USP36: variants seen among roughly 807,000 people sequenced by gnomAD.
USP36 encodes the protein ubiquitin carboxyl-terminal hydrolase 36.
Under a neutral mutation model 111.5 loss-of-function variants are expected in USP36, and 59 were observed. That is an observed-to-expected ratio of 0.53 (90% CI 0.43 to 0.66). USP36 has a LOEUF of 0.66. Among genes scored for constraint, USP36 ranks in the 30% least tolerant of loss-of-function variants. The pLI is 0.00. For synonymous variants in USP36, 628 were observed against 581.0 expected, an observed-to-expected ratio of 1.08 and a Z score of -1.16; for missense variants, 1,488 against 1,468.0, an observed-to-expected ratio of 1.01 and a Z score of -0.22.
intron 13 of USP36, among the ~76,000 whole-genome samples, chr17:78,808,504 GC>G (rs2093971453): frequency 6.6e-6 from 1 of 152,136 alleles, no homozygotes; most frequent in South Asian, 2.1e-4. Flanking sequence ...TCCCACCCTG[GC>G]CTCTCAAAGT....
intron 5 of USP36, among the ~76,000 whole-genome samples, chr17:78,827,590 G>A (rs1166913546): frequency 2.0e-5 from 3 of 152,274 alleles, no homozygotes; most frequent in Admixed American, 6.5e-5. Context: ...AGACAAGGAA[G>A]AACACCAAGC....
Position 78,806,212 on chromosome 17 carries a change from G to T in USP36, c.2160C>A (p.His720Gln). 7 of 1,613,860 alleles carry T rather than the reference G, an allele frequency of 4.3e-6. No homozygotes were observed. Among genetic ancestry groups the T allele is most frequent in the Non-Finnish European group, 5.9e-6 (7 of 1,179,996 alleles). Residue 720 changes from histidine (H) to glutamine (Q), a missense_variant, in exon 15 of 21, where the codon CAC (histidine) becomes CAA (glutamine). By Grantham distance (24) the His-to-Gln change is conservative. Transcript: ENST00000449938. ...PPPSPSSDLT[H>Q]PMKTSHPVVA... ...CGACGGGGTGAGAGGTTTTCATGGGGTGGGTGAGGTCGGAGGATGGTGAGG... is the reference window on the plus strand; with the variant it reads ...CGACGGGGTGAGAGGTTTTCATGGGTTGGGTGAGGTCGGAGGATGGTGAGG...
At position 78,812,607 on chromosome 17, in the gene USP36, G is replaced by A. The variant is rs554946075; in HGVS notation, c.1407+253C>T. Among the ~76,000 whole-genome samples, 34 of 151,052 alleles carry A rather than the reference G, an allele frequency of 2.3e-4. No homozygotes were observed. In the South Asian group the frequency reaches 6.9e-3, roughly 31 times the overall value. On this transcript the variant is annotated intron_variant, in intron 13 of 20. Transcript: ENST00000449938. Reference sequence around the variant, plus strand: ...AGGGAGGCTGAGGCAGGAGAATGGCGGGAACCCGGGAGGCAGAGCTTGCAG... The same window carrying A: ...AGGGAGGCTGAGGCAGGAGAATGGCAGGAACCCGGGAGGCAGAGCTTGCAG...
At chr17:78,825,391 C>G (rs1212676739) in intron 6 of USP36, among the ~76,000 whole-genome samples, 1 of 152,194 alleles carries the variant, frequency 6.6e-6, no homozygotes, top group Non-Finnish European at 1.5e-5. Flanking sequence ...TTATGAGAAG[C>G]TCACCATTGG....
At chr17:78,831,962 A>G (rs1028352871) in intron 4 of USP36, among the ~76,000 whole-genome samples, 39 of 151,072 alleles carry the variant, frequency 2.6e-4, no homozygotes, top group Non-Finnish European at 4.4e-4. Flanking sequence ...AAAAAAAAAA[A>G]GCTTCTTTCA....
chr17:78,810,836 C>T (rs990063148), intron 13 of USP36, among the ~76,000 whole-genome samples: 2 of 152,000 alleles, frequency 1.3e-5, no homozygotes, highest in African/African-American at 4.8e-5. Context: ...TCATCCAGGC[C>T]GGGCACGGTG....
chr17:78,834,618 T>C (rs951298697), intron 4 of USP36, among the ~76,000 whole-genome samples: 4 of 152,072 alleles, frequency 2.6e-5, no homozygotes, highest in African/African-American at 9.7e-5. Context: ...AATTTTTATA[T>C]TTTTAGTAGA....
intron 7 of USP36, chr17:78,821,314 A>G (rs1013602615): frequency 1.9e-5 from 7 of 364,284 alleles, no homozygotes; most frequent in Admixed American, 1.3e-4. Flanking sequence ...CACGTGCGGT[A>G]CTCTCCTGCT....
At position 78,807,613 on chromosome 17, in the gene USP36, C is replaced by G. The variant is rs2093943293; in HGVS notation, c.1431G>C (p.Lys477Asn). 1 of 1,537,574 alleles carries G rather than the reference C, an allele frequency of 6.5e-7. No individual in the cohort carries two copies. Among genetic ancestry groups the G allele is most frequent in the East Asian group, 2.3e-5 (1 of 44,166 alleles). The change falls in exon 14 of 21, where the codon AAG becomes AAC. Residue 477 changes from lysine (K) to asparagine (N), a missense_variant. Around this residue, in one of 3 missense-constraint regions of USP36, gnomAD observed 1,073 missense variants for 994.1 expected, o/e 1.08. Transcript: ENST00000449938. ...CAATCTCTTCAGTGGTGTGCGGCTTCTTCATCGTCCCAGAGTCTTGTCGCT... is the reference window on the plus strand; with the variant it reads ...CAATCTCTTCAGTGGTGTGCGGCTTGTTCATCGTCCCAGAGTCTTGTCGCT... ...TGKRQDSGTM[K>N]KPHTTEEIGV...
chr17:78,836,419 G>A (rs2068675527), intron 2 of USP36, 47 bp from the exon 3 acceptor site: 5 of 1,585,522 alleles, frequency 3.2e-6, no homozygotes, highest in Non-Finnish European at 8.6e-7. Flanking sequence ...CGAAATCCCG[G>A]GACAAAAACA....
intron 13 of USP36, among the ~76,000 whole-genome samples, chr17:78,808,424 C>T (rs1169375118): frequency 1.3e-5 from 2 of 152,094 alleles, no homozygotes; most frequent in Non-Finnish European, 2.9e-5. Context: ...ATAATTATTA[C>T]TATTTTGTAG....
chr17:78,814,286 GACTTGAATACAACCACAAAACATCAC>G, intron 11 of USP36, 100 bp downstream of exon 11: 1 of 1,307,196 alleles, frequency 7.6e-7, no homozygotes. Context: ...CAACAACGAG[GACTTGAATACAACCACAAAACATCAC>G]ACTTTTCACA....
chr17:78,809,410 G>C (rs1400353584), intron 13 of USP36, among the ~76,000 whole-genome samples: 1 of 152,124 alleles, frequency 6.6e-6, no homozygotes, highest in Non-Finnish European at 1.5e-5. Context: ...CGTTTCACTG[G>C]CTGAACATTT....
At position 78,840,779 on chromosome 17, in the gene USP36, C is replaced by A. The variant is rs2277701; in HGVS notation, c.-217G>T. On this transcript the variant is annotated 5_prime_UTR_variant, in exon 1 of 21. Coordinates refer to ENST00000449938, the MANE Select transcript of USP36 (RefSeq NM_001385174.1). ...GCGCCACAAGCCTACGCAGCCCTGG[C>A]GACTCCTTCGGCCCGCGGCCCAGCA... is the stretch of plus-strand genomic sequence containing the variant. 819 of 152,498 alleles carry A rather than the reference C, an allele frequency of 5.4e-3. 24 individuals are homozygous for A. The East Asian group carries it at 0.062, about 12-fold the overall frequency. 9.4% of individuals were successfully genotyped at this position (152,498 alleles called of 1,614,324 possible).
In USP36 at chr17:78,840,721, C is replaced by G. The variant is rs1471367784; in HGVS notation, c.-174+15G>C. ...CCCCAGGCCTGCGCACCGCCCCGAC[C>G]CGACCCCAGCCTACCCCGGCCTCTC... is the stretch of plus-strand genomic sequence containing the variant. On this transcript the variant is annotated intron_variant, in intron 1 of 20. Transcript: ENST00000449938. 6.6e-6 allele frequency: 1 copy of G among 152,588 alleles called. No homozygotes were observed. The highest frequency in any genetic ancestry group is 1.5e-5 in the Non-Finnish European group (1 of 68,438). The allele number at this position is 152,588 out of a possible 1,614,324, so 9.5% of individuals were successfully genotyped here.
intron 5 of USP36, among the ~76,000 whole-genome samples, chr17:78,827,599 G>A (rs1350386458): frequency 6.6e-6 from 1 of 152,140 alleles, no homozygotes; most frequent in East Asian, 1.9e-4. Flanking sequence ...AGAACACCAA[G>A]CCCTCAAAAA....
At chr17:78,837,199 T>G (rs1272788099) in intron 2 of USP36, among the ~76,000 whole-genome samples, 2 of 152,194 alleles carry the variant, frequency 1.3e-5, no homozygotes, top group Admixed American at 1.3e-4. Flanking sequence ...TAATCTCCAT[T>G]ACACAGTGCT....
At chr17:78,829,791 A>C (rs1359249188) in intron 4 of USP36, among the ~76,000 whole-genome samples, 1 of 152,124 alleles carries the variant, frequency 6.6e-6, no homozygotes, top group African/African-American at 2.4e-5. Context: ...CCCAGGCTGG[A>C]GTGCAGTGGC....
chr17:78,833,778 T>C (rs1335224246), intron 4 of USP36, among the ~76,000 whole-genome samples: 1 of 152,224 alleles, frequency 6.6e-6, no homozygotes, highest in Non-Finnish European at 1.5e-5. Context: ...AGTATTTTCC[T>C]ACAATTTTTA....
Sources: gnomAD v4.1 joint callset for allele counts (sites outside exome capture counted in the v4.1 genomes callset) on GRCh38, gnomAD v4.1.1 for gene constraint, gnomAD v4.1.1 regional missense constraint, MANE v1.5 for transcripts, NCBI Gene and HGNC (gene_info 2026-07-23, HGNC 2026-07-21) for gene names.